The following CLEC1A variants were observed in gnomAD, a reference collection of about 807,000 sequenced individuals.
The protein encoded by CLEC1A is C-type lectin-like receptor-1.
Under a neutral mutation model 28.7 loss-of-function variants are expected in CLEC1A, and 34 were observed. That is an observed-to-expected ratio of 1.18 (90% confidence interval 0.90 to 1.57). CLEC1A has a LOEUF of 1.57. CLEC1A is among the 40% of genes most tolerant of loss of function. The probability of loss-of-function intolerance (pLI) is 0.00; values close to 1 mark genes in which losing one functional copy is unlikely to be tolerated. For synonymous variants in CLEC1A, 116 were observed against 121.0 expected (o/e 0.96, Z 0.27); for missense variants, 385 against 339.5 (o/e 1.13, Z -1.05).
intron 3 of CLEC1A, among the ~76,000 whole-genome samples, chr12:10,078,048 C>T (rs1288486829): frequency 6.6e-6 from 1 of 152,132 alleles, no homozygotes; most frequent in Non-Finnish European, 1.5e-5. Context: ...GCCATCATTT[C>T]CACAAACAAT....
At position 10,070,085 on chromosome 12, in the gene CLEC1A, T is replaced by G. The variant is rs183061067; in HGVS notation, c.*1248A>C. 4.0e-4 allele frequency: 61 copies of G among 152,306 alleles called. No homozygotes were observed. Among genetic ancestry groups the G allele is most frequent in the African/African-American group, 1.3e-3 (52 of 41,564 alleles). 9.4% of individuals were successfully genotyped at this position (152,306 alleles called of 1,614,324 possible). ...GCTGTGATGGTGTCATTCCCAATGA[T>G]CCCTGTTATATTTGTGCATGGAGTC... On this transcript the variant is annotated 3_prime_UTR_variant, in exon 6 of 6. Coordinates refer to ENST00000315330, the MANE Select transcript of CLEC1A (RefSeq NM_016511.4).
At chr12:10,076,983 TTTTCTTAAA>T (rs1187284724) in intron 3 of CLEC1A, among the ~76,000 whole-genome samples, 2 of 152,176 alleles carry the variant, frequency 1.3e-5, no homozygotes. Flanking sequence ...ACATACAATG[TTTTCTTAAA>T]TACCTTCAGT....
chr12:10,070,681 T>C lies in CLEC1A; in HGVS notation c.*652A>G, dbSNP rs1303441817. On this transcript the variant is annotated 3_prime_UTR_variant, in exon 6 of 6. Coordinates refer to ENST00000315330, the MANE Select transcript of CLEC1A (RefSeq NM_016511.4). Reference sequence around the variant, plus strand: ...CGGAGATGGGGATATATTTCTTTCCTGGGAGAAATTCCTATGGAGGGGAGA... The same window carrying C: ...CGGAGATGGGGATATATTTCTTTCCCGGGAGAAATTCCTATGGAGGGGAGA... The C allele has an allele frequency of 1.3e-5, 2 of 152,196 alleles. No individual in the cohort carries two copies. Among genetic ancestry groups the C allele is most frequent in the African/African-American group, 4.8e-5 (2 of 41,436 alleles). The allele number at this position is 152,196 out of a possible 1,614,324, so 9.4% of individuals were successfully genotyped here. A position where few individuals can be genotyped will look rare whatever the true frequency, so the allele number is the denominator to read the frequency against.
chr12:10,070,967 T>C lies in CLEC1A; in HGVS notation c.*366A>G. ...CAGAGAAAAGGATGTTACCTCAATG[T>C]ATTTCCTCTACTTCAAAAAGTTTCT... On this transcript the variant is annotated 3_prime_UTR_variant, in exon 6 of 6. Coordinates refer to ENST00000315330, the MANE Select transcript of CLEC1A (RefSeq NM_016511.4). 1 of 161,890 alleles carries C rather than the reference T, an allele frequency of 6.2e-6. No homozygotes were observed. The highest frequency in any genetic ancestry group is 1.3e-5 in the Non-Finnish European group (1 of 74,592). 10.0% of individuals were successfully genotyped at this position (161,890 alleles called of 1,614,324 possible). A position where few individuals can be genotyped will look rare whatever the true frequency, so the allele number is the denominator to read the frequency against.
chr12:10,087,184 G>A (rs1299562535), intron 2 of CLEC1A, among the ~76,000 whole-genome samples: 1 of 105,756 alleles, frequency 9.5e-6, no homozygotes, highest in Admixed American at 1.4e-4. Context: ...CAGCCTGGGC[G>A]ACAGTGTAAG....
chr12:10,071,219 G>C lies in CLEC1A; in HGVS notation c.*114C>G, dbSNP rs1285742818. On this transcript the variant is annotated 3_prime_UTR_variant, in exon 6 of 6. Coordinates refer to ENST00000315330, the MANE Select transcript of CLEC1A (RefSeq NM_016511.4). ...AACAGGAAACACGAGAACCCATTTTGTACTAGTCAGAGAGATAGTCTTTCC... is the reference window on the plus strand; with the variant it reads ...AACAGGAAACACGAGAACCCATTTTCTACTAGTCAGAGAGATAGTCTTTCC... 1 of 978,640 alleles carries C rather than the reference G, an allele frequency of 1.0e-6. No homozygotes were observed. The highest frequency in any genetic ancestry group is 1.6e-5 in the African/African-American group (1 of 61,204). The allele number at this position is 978,640 out of a possible 1,614,324, so 60.6% of individuals were successfully genotyped here. A position where few individuals can be genotyped will look rare whatever the true frequency, so the allele number is the denominator to read the frequency against.
At chr12:10,072,128 CAGTT>C (rs1866148308) in intron 5 of CLEC1A, among the ~76,000 whole-genome samples, 1 of 152,100 alleles carries the variant, frequency 6.6e-6, no homozygotes, top group Non-Finnish European at 1.5e-5. Context: ...AGTTCTCACT[CAGTT>C]AGTTGATGCA....
intron 2 of CLEC1A, among the ~76,000 whole-genome samples, chr12:10,085,414 T>A (rs1866469547): frequency 6.6e-6 from 1 of 150,646 alleles, no homozygotes; most frequent in African/African-American, 2.4e-5. Context: ...ACCTAACACA[T>A]AAGGACTCAC....
intron 3 of CLEC1A, among the ~76,000 whole-genome samples, chr12:10,080,525 C>T (rs182630672): frequency 9.2e-5 from 14 of 151,952 alleles, no homozygotes; most frequent in Non-Finnish European, 1.6e-4. Context: ...CTTCAGAGTT[C>T]CTAAAAAAGA....
chr12:10,083,556 T>A (rs996325160), intron 2 of CLEC1A, among the ~76,000 whole-genome samples: 2 of 152,198 alleles, frequency 1.3e-5, no homozygotes, highest in African/African-American at 4.8e-5. Flanking sequence ...GCAACCTGGA[T>A]CTACCTCCCA....
chr12:10,077,394 GT>G (rs1406746981), intron 3 of CLEC1A, among the ~76,000 whole-genome samples: 10 of 152,080 alleles, frequency 6.6e-5, no homozygotes, highest in Non-Finnish European at 1.3e-4. Flanking sequence ...AGACAACAGA[GT>G]GAGACCCTGT....
intron 5 of CLEC1A, among the ~76,000 whole-genome samples, chr12:10,072,806 CG>C (rs1378034456): frequency 6.6e-6 from 1 of 152,176 alleles, no homozygotes; most frequent in Non-Finnish European, 1.5e-5. Flanking sequence ...TGGCCGGGTG[CG>C]GTGGCTCATG....
chr12:10,069,936 T>A lies in CLEC1A; in HGVS notation c.*1397A>T, dbSNP rs1866091408. The A allele has an allele frequency of 6.6e-6, 1 of 152,246 alleles. No homozygotes were observed. The highest frequency in any genetic ancestry group is 1.5e-5 in the Non-Finnish European group (1 of 68,034). 9.4% of individuals were successfully genotyped at this position (152,246 alleles called of 1,614,324 possible). On this transcript the variant is annotated 3_prime_UTR_variant, in exon 6 of 6. Transcript: ENST00000315330. ...ATACGTCATTTTACCATGAGATAGA[T>A]GTTTATGAAAAACAAAACTGAAGCA...
At chr12:10,096,812 CTTA>C (rs1347725157) in intron 1 of CLEC1A, among the ~76,000 whole-genome samples, 1 of 152,082 alleles carries the variant, frequency 6.6e-6, no homozygotes, top group Non-Finnish European at 1.5e-5. Flanking sequence ...CTCCCGATTC[CTTA>C]TTATGTGGAA....
At chr12:10,088,994 A>T (rs1352477) in intron 2 of CLEC1A, 130 bp downstream of exon 2, 583,335 of 731,498 alleles carry the variant, frequency 0.8, 241,813 homozygotes, top group Non-Finnish European at 0.88. Context: ...GTTGCCATTT[A>T]AAAAAAGATA....
chr12:10,093,414 C>G (rs1187285308), intron 1 of CLEC1A, among the ~76,000 whole-genome samples: 2 of 145,680 alleles, frequency 1.4e-5, no homozygotes, highest in Non-Finnish European at 3.0e-5. Context: ...TTAGTATTAA[C>G]CATACTATAA....
Position 10,098,850 on chromosome 12 carries a change from G to A in CLEC1A, c.73C>T (p.Gln25Ter), listed in dbSNP as rs758364808. The A allele has an allele frequency of 1.2e-6, 2 of 1,613,466 alleles. No homozygotes were observed. Among genetic ancestry groups the A allele is most frequent in the South Asian group, 1.1e-5 (1 of 90,920 alleles). Residue 25 changes from glutamine (Q) to a stop codon, truncating the protein, a stop_gained, in exon 1 of 6, where the codon CAA (glutamine) becomes TAA (stop). Transcript: ENST00000315330. LOFTEE classifies it high-confidence loss of function. ...GGATGCCGAGTTGTGGCAGAGCCTT[G>A]AGAATGCAGGCTCATGGTGGTGTCC... The part of the protein sequence containing the change: ...DGDTTMSLHS[Q>*]GSATTRHPEP...
Position 10,071,063 on chromosome 12 carries a change from A to G in CLEC1A, c.*270T>C. 1 of 275,080 alleles carries G rather than the reference A, an allele frequency of 3.6e-6. No homozygotes were observed. The highest frequency in any genetic ancestry group is 6.8e-6 in the Non-Finnish European group (1 of 148,068). The allele number at this position is 275,080 out of a possible 1,614,324, so 17.0% of individuals were successfully genotyped here. On this transcript the variant is annotated 3_prime_UTR_variant, in exon 6 of 6. Transcript: ENST00000315330. ...TAGACATTGAGAAGAAAGAGAGCTA[A>G]AAGTTATCTCTAAGCCAAGAAGGCA...
chr12:10,076,371 G>C (rs1184566925), intron 3 of CLEC1A, among the ~76,000 whole-genome samples: 2 of 152,110 alleles, frequency 1.3e-5, no homozygotes, highest in Non-Finnish European at 2.9e-5. Flanking sequence ...TTTTAAAAGC[G>C]ATCTAGTTAA....
Sources: gnomAD v4.1 joint callset for allele counts (sites outside exome capture counted in the v4.1 genomes callset) on GRCh38, gnomAD v4.1.1 for gene constraint, MANE v1.5 for transcripts, NCBI Gene and HGNC (gene_info 2026-07-23, HGNC 2026-07-21) for gene names.